TLN2: variants seen among roughly 807,000 people sequenced by gnomAD.
TLN2 encodes the protein talin-2.
TLN2 carries 118 observed loss-of-function variants against 294.7 expected under a neutral mutation model. The ratio of observed to expected loss-of-function variants is 0.40; its 90% confidence interval spans 0.34 to 0.47. The LOEUF is 0.47. Among genes scored for constraint, TLN2 ranks in the 20% least tolerant of loss-of-function variants. The pLI, the probability that TLN2 is intolerant of heterozygous loss-of-function variation, is 0.84. For missense variants in TLN2, 3,083 were observed against 3,282.2 expected, an observed-to-expected ratio of 0.94 and a Z score of 1.48; for synonymous variants, 1,431 against 1,304.5, an observed-to-expected ratio of 1.10 and a Z score of -2.09.
At chr15:62,723,479 C>T (rs1490866682) in intron 26 of TLN2, among the ~76,000 whole-genome samples, 1 of 151,992 alleles carries the variant, frequency 6.6e-6, no homozygotes, top group Non-Finnish European at 1.5e-5. Context: ...AAGCAGTGAC[C>T]CCTAAAGTGG....
intron 28 of TLN2, among the ~76,000 whole-genome samples, chr15:62,730,634 G>T (rs1439941443): frequency 6.6e-6 from 1 of 152,164 alleles, no homozygotes; most frequent in Non-Finnish European, 1.5e-5. Context: ...ACAATTTTAG[G>T]TTGGCAGTTG....
At chr15:62,471,590 C>G (rs2037477978) in intron 1 of TLN2, among the ~76,000 whole-genome samples, 1 of 152,134 alleles carries the variant, frequency 6.6e-6, no homozygotes, top group Non-Finnish European at 1.5e-5. Flanking sequence ...ATTTTCTGTT[C>G]CCTTGTCTCT....
At chr15:62,407,968 T>TG (rs1050248225) in intron 1 of TLN2, among the ~76,000 whole-genome samples, 1 of 151,040 alleles carries the variant, frequency 6.6e-6, no homozygotes, top group African/African-American at 2.4e-5. Flanking sequence ...AAGAAAAAGG[T>TG]GCCCACTTGA....
At chr15:62,586,926 CT>C (rs1212524767) in intron 1 of TLN2, among the ~76,000 whole-genome samples, 3 of 152,144 alleles carry the variant, frequency 2.0e-5, no homozygotes, top group Non-Finnish European at 2.9e-5. Flanking sequence ...AATCTTCATT[CT>C]TATGACTACA....
chr15:62,528,472 G>T (rs990531374), intron 1 of TLN2, among the ~76,000 whole-genome samples: 1 of 152,116 alleles, frequency 6.6e-6, no homozygotes, highest in Non-Finnish European at 1.5e-5. Context: ...GCTTGGGCAT[G>T]TCCAGACTCT....
At chr15:62,619,393 T>C (rs952937233) in intron 3 of TLN2, among the ~76,000 whole-genome samples, 2 of 152,226 alleles carry the variant, frequency 1.3e-5, no homozygotes, top group African/African-American at 4.8e-5. Flanking sequence ...GTGAGAGCTA[T>C]ATAGATGGCA....
intron 3 of TLN2, among the ~76,000 whole-genome samples, chr15:62,636,440 G>A (rs2050393870): frequency 1.3e-5 from 2 of 152,140 alleles, no homozygotes; most frequent in South Asian, 4.1e-4. Context: ...CTACACAAAT[G>A]GAAAGTTTAG....
chr15:62,751,797 C>T (rs762506746), intron 34 of TLN2, among the ~76,000 whole-genome samples: 3 of 152,162 alleles, frequency 2.0e-5, no homozygotes, highest in Admixed American at 1.3e-4. Flanking sequence ...GTAAAGATCT[C>T]TGAAGAAAGA....
At position 62,772,739 on chromosome 15, in the gene TLN2, T is replaced by C. The variant is rs558803437; in HGVS notation, c.5367+1605T>C. Among the ~76,000 whole-genome samples the C allele has an allele frequency of 3.9e-3, 593 of 152,138 alleles. 2 individuals are homozygous for C. Among genetic ancestry groups the C allele is most frequent in the Middle Eastern group, 0.01 (3 of 294 alleles). ...GTGCAATGGCGCGATCTCGGCTCAC[T>C]GCAACCTCCGCGTCCCGGGTTCAAG... On this transcript the variant is annotated intron_variant, in intron 42 of 58. Transcript: ENST00000636159.
chr15:62,413,960 C>T (rs1415385663), intron 1 of TLN2, among the ~76,000 whole-genome samples: 1 of 101,634 alleles, frequency 9.8e-6, no homozygotes, highest in African/African-American at 3.2e-5. Flanking sequence ...ATCTGGCAGT[C>T]TGAGGGTATG....
chr15:62,491,367 C>T (rs1329332270), intron 1 of TLN2, among the ~76,000 whole-genome samples: 9 of 124,246 alleles, frequency 7.2e-5, no homozygotes, highest in Admixed American at 1.6e-4. Flanking sequence ...CACACACACA[C>T]ACACACACAC....
chr15:62,548,125 A>G (rs775170582), intron 1 of TLN2, among the ~76,000 whole-genome samples: 18 of 152,088 alleles, frequency 1.2e-4, no homozygotes, highest in Admixed American at 7.3e-4. Context: ...CGATAATGAG[A>G]CAAGAAAATT....
intron 1 of TLN2, among the ~76,000 whole-genome samples, chr15:62,421,144 CT>C (rs2034365246): frequency 6.6e-6 from 1 of 152,166 alleles, no homozygotes; most frequent in Non-Finnish European, 1.5e-5. Context: ...TAAAAACTCC[CT>C]TCCTCACCAG....
chr15:62,614,148 T>A (rs1053158043), intron 2 of TLN2, among the ~76,000 whole-genome samples: 1 of 152,196 alleles, frequency 6.6e-6, no homozygotes, highest in Non-Finnish European at 1.5e-5. Flanking sequence ...TGAGTGCTTT[T>A]AAAAAATCAG....
chr15:62,759,214 A>C (rs943672935), intron 37 of TLN2, among the ~76,000 whole-genome samples: 2 of 152,224 alleles, frequency 1.3e-5, no homozygotes, highest in Admixed American at 1.3e-4. Context: ...TGCTGTGCCC[A>C]ATGGAAGCAG....
At chr15:62,721,074 T>A (rs2060118401) in intron 25 of TLN2, among the ~76,000 whole-genome samples, 1 of 151,940 alleles carries the variant, frequency 6.6e-6, no homozygotes. Context: ...TGTTCCTGGT[T>A]CCACTCTGTC....
At chr15:62,505,708 A>G (rs2439709) in intron 1 of TLN2, among the ~76,000 whole-genome samples, 23,459 of 152,156 alleles carry the variant, frequency 0.15, 2,520 homozygotes, top group East Asian at 0.56. Flanking sequence ...TTAAGAATTG[A>G]TTTGTGACAT....
intron 1 of TLN2, among the ~76,000 whole-genome samples, chr15:62,517,720 A>G (rs2040252754): frequency 1.3e-5 from 2 of 152,228 alleles, no homozygotes; most frequent in South Asian, 4.1e-4. Context: ...CACATTACCC[A>G]CTTGGAAAAA....
chr15:62,433,981 T>G (rs2035157927), intron 1 of TLN2, among the ~76,000 whole-genome samples: 1 of 151,906 alleles, frequency 6.6e-6, no homozygotes, highest in South Asian at 2.1e-4. Flanking sequence ...AGAGCAAGAT[T>G]CTGTCCCCCC....
Sources: allele counts gnomAD v4.1 joint callset (sites outside exome capture counted in the v4.1 genomes callset), GRCh38; gene constraint gnomAD v4.1.1; transcripts MANE v1.5; gene names NCBI Gene and HGNC (gene_info 2026-07-23, HGNC 2026-07-21).